IVNS1ABP: variants seen among roughly 807,000 people sequenced by gnomAD.
IVNS1ABP encodes the protein influenza virus NS1A binding protein, also known as influenza virus NS1A-binding protein.
In IVNS1ABP, 25 loss-of-function variants were observed where a neutral mutation model predicts 78.9. That is an observed-to-expected ratio of 0.32 (90% CI 0.23 to 0.44). IVNS1ABP has a LOEUF of 0.44. Ranked by LOEUF, IVNS1ABP falls within the 20% of genes least tolerant of loss-of-function variation. The pLI is 1.00. For missense variants in IVNS1ABP, 494 were observed against 768.9 expected (o/e 0.64, Z 4.23); for synonymous variants, 241 against 259.7 (o/e 0.93, Z 0.69).
In IVNS1ABP at chr1:185,308,863, A is replaced by G. The variant is rs1475786350; in HGVS notation, c.294T>C (p.Asp98=). The change falls in exon 5 of 15, where the codon GAT becomes GAC. Residue 98 remains aspartate, a synonymous_variant. Coordinates refer to ENST00000367498, the MANE Select transcript of IVNS1ABP (RefSeq NM_006469.5). ...AATAAACATCTTTTACCAATTCCTT[A>G]TCTGCTTTCAACCTATTTAAAAAAA... ...NYAYTAQLKA[D]KELVKDVYSA... The G allele has an allele frequency of 4.3e-6, 7 of 1,610,306 alleles. No individual in the cohort carries two copies. Among genetic ancestry groups the G allele is most frequent in the Non-Finnish European group, 5.9e-6 (7 of 1,179,080 alleles).
chr1:185,300,594 A>C, intron 10 of IVNS1ABP, 36 bp from the exon 11 acceptor site: 1 of 1,604,552 alleles, frequency 6.2e-7, no homozygotes, highest in Non-Finnish European at 8.5e-7. Context: ...TTTATGTTTA[A>C]AATATTAAAC....
chr1:185,300,930 G>A, intron 10 of IVNS1ABP, 42 bp downstream of exon 10: 1 of 1,473,320 alleles, frequency 6.8e-7, no homozygotes, highest in Non-Finnish European at 9.4e-7. Flanking sequence ...TCACAAAAAT[G>A]CCCATCTACA....
In IVNS1ABP at chr1:185,309,367, A is replaced by G. The variant is rs1184669007; in HGVS notation, c.111+16T>C. On this transcript the variant is annotated intron_variant, in intron 3 of 14. Coordinates refer to ENST00000367498, the MANE Select transcript of IVNS1ABP (RefSeq NM_006469.5). ...TAATAAAAAATTCTATAAATTTTGAATTAAGTTTTAAATACCTGAAGTCGA... is the reference window on the plus strand; with the variant it reads ...TAATAAAAAATTCTATAAATTTTGAGTTAAGTTTTAAATACCTGAAGTCGA... 2 of 1,512,220 alleles carry G rather than the reference A, an allele frequency of 1.3e-6. No homozygotes were observed. Among genetic ancestry groups the G allele is most frequent in the Middle Eastern group, 1.7e-4 (1 of 5,766 alleles). The allele number at this position is 1,512,220 out of a possible 1,614,324, so 93.7% of individuals were successfully genotyped here.
At chr1:185,304,963 T>C (rs1665697853) in intron 8 of IVNS1ABP, among the ~76,000 whole-genome samples, 1 of 152,194 alleles carries the variant, frequency 6.6e-6, no homozygotes, top group South Asian at 2.1e-4. Flanking sequence ...AATTGGATTT[T>C]ATAAAAGGCA....
Position 185,301,206 on chromosome 1 carries a change from C to G in IVNS1ABP, c.896-10G>C. 2 of 1,601,408 alleles carry G rather than the reference C, an allele frequency of 1.2e-6. No homozygotes were observed. Among genetic ancestry groups the G allele is most frequent in the Non-Finnish European group, 1.7e-6 (2 of 1,169,416 alleles). On this transcript the variant is annotated splice_polypyrimidine_tract_variant and intron_variant, in intron 9 of 14. Coordinates refer to ENST00000367498, the MANE Select transcript of IVNS1ABP (RefSeq NM_006469.5). ...CACAAGTAAGTGTTATCTGTAAGCA[C>G]AAGAGTTCCATGTTTAAGATGTAAT...
intron 8 of IVNS1ABP, among the ~76,000 whole-genome samples, chr1:185,302,749 A>G (rs1488823634): frequency 6.6e-6 from 1 of 152,114 alleles, no homozygotes; most frequent in Admixed American, 6.6e-5. Context: ...AGGTATTACT[A>G]GGTACTTTAT....
chr1:185,298,064 T>C lies in IVNS1ABP; in HGVS notation c.1900A>G (p.Ser634Gly). ...AACTGGAAAATCTTTGTATAGGGGCTCCATTCATTTGACTCAAGGTTATAG... is the reference window on the plus strand; with the variant it reads ...AACTGGAAAATCTTTGTATAGGGGCCCCATTCATTTGACTCAAGGTTATAG... ...EVYNLESNEW[S>G]PYTKIFQF The change falls in exon 15 of 15, where the codon AGC becomes GGC. Residue 634 changes from serine to glycine, a missense_variant. Ser to Gly is a moderately conservative substitution (Grantham distance 56). Coordinates refer to ENST00000367498, the MANE Select transcript of IVNS1ABP (RefSeq NM_006469.5). This position sits in a 1 kb window ranked among gnomAD's most constrained non-coding sequence, Gnocchi z 4.1. 6.2e-7 allele frequency: 1 copy of C among 1,613,608 alleles called. No homozygotes were observed. Among genetic ancestry groups the C allele is most frequent in the Non-Finnish European group, 8.5e-7 (1 of 1,179,712 alleles).
intron 1 of IVNS1ABP, among the ~76,000 whole-genome samples, chr1:185,312,104 T>C (rs1406435222): frequency 1.3e-5 from 2 of 152,238 alleles, no homozygotes; most frequent in Admixed American, 1.3e-4. Context: ...AGATGAGTAA[T>C]TTGTTGGAAT....
Position 185,301,426 on chromosome 1 carries a change from A to C in IVNS1ABP, c.895+8T>G. ...CTGAAAACAATCTGGCAAGTGTCAT[A>C]TACTTACTTGAAGTCTTTTCTGAAG... On this transcript the variant is annotated splice_region_variant and intron_variant, in intron 9 of 14. Coordinates refer to ENST00000367498, the MANE Select transcript of IVNS1ABP (RefSeq NM_006469.5). The C allele has an allele frequency of 6.2e-7, 1 of 1,613,024 alleles. No individual in the cohort carries two copies. Among genetic ancestry groups the C allele is most frequent in the Non-Finnish European group, 8.5e-7 (1 of 1,179,262 alleles).
At chr1:185,300,194 T>A in intron 12 of IVNS1ABP, 23 bp downstream of exon 12, 1 of 1,610,696 alleles carries the variant, frequency 6.2e-7, no homozygotes, top group Non-Finnish European at 8.5e-7. Context: ...ATACTGGATA[T>A]CTCAGGAGAA....
rs1665521430 is a variant in IVNS1ABP at position 185,299,823 on chromosome 1, T to C, written c.1562A>G (p.Glu521Gly). 1 of 1,613,616 alleles carries C rather than the reference T, an allele frequency of 6.2e-7. No individual in the cohort carries two copies. The highest frequency in any genetic ancestry group is 1.7e-5 in the Admixed American group (1 of 59,912). The change falls in exon 14 of 15, where the codon GAA (glutamate) becomes GGA (glycine). Residue 521 changes from glutamate to glycine, a missense_variant. Physicochemically the swap from Glu to Gly is moderately conservative, Grantham distance 98. Transcript: ENST00000367498. Reference sequence around the variant, plus strand: ...TACTGTGTTCAGACAATTCCAAGATTCTGCACCTCCGATTATGTACAAATA... The same window carrying C: ...TACTGTGTTCAGACAATTCCAAGATCCTGCACCTCCGATTATGTACAAATA... The part of the protein sequence containing the change: ...GGYLYIIGGA[E>G]SWNCLNTVER...
In IVNS1ABP at chr1:185,300,003, G is replaced by T; in HGVS notation, c.1497C>A (p.Asn499Lys). The change falls in exon 13 of 15, where the codon AAC (asparagine) becomes AAA (lysine). Residue 499 changes from asparagine to lysine, a missense_variant. By Grantham distance (94) the Asn-to-Lys change is moderately conservative. Transcript: ENST00000367498. ...TKLWTSCAPL[N>K]IRRHQSAVCE... The stretch of plus-strand genomic sequence containing the variant: ...AAGGAAAAAAAATCAACTTACGAAT[G>T]TTAAGAGGGGCACAGCTTGTCCACA... 1 of 1,609,354 alleles carries T rather than the reference G, an allele frequency of 6.2e-7. No individual in the cohort carries two copies. Among genetic ancestry groups the T allele is most frequent in the Non-Finnish European group, 8.5e-7 (1 of 1,178,630 alleles).
At position 185,298,895 on chromosome 1, in the gene IVNS1ABP, C is replaced by T. The variant is rs1665493943; in HGVS notation, c.1676-607G>A. The T allele has an allele frequency of 6.6e-6, 1 of 151,756 alleles. No homozygotes were observed. The highest frequency in any genetic ancestry group is 2.1e-4 in the South Asian group (1 of 4,820). 9.4% of individuals were successfully genotyped at this position (151,756 alleles called of 1,614,324 possible). On this transcript the variant is annotated intron_variant, in intron 14 of 14. Coordinates refer to ENST00000367498, the MANE Select transcript of IVNS1ABP (RefSeq NM_006469.5). This position sits in a 1 kb window ranked among gnomAD's most constrained non-coding sequence, Gnocchi z 4.1. ...TGGGCAACACAGTGAGACCATGTCT[C>T]AATTAAAAAAATAAAATGATTGTGG...
Position 185,300,072 on chromosome 1 carries a change from T to C in IVNS1ABP, c.1428A>G (p.Gln476=), listed in dbSNP as rs1338460793. The change falls in exon 13 of 15, where the codon CAA becomes CAG. Residue 476 remains glutamine, a synonymous_variant. Coordinates refer to ENST00000367498, the MANE Select transcript of IVNS1ABP (RefSeq NM_006469.5). ...YIVGGSDPYG[Q]KGLKNCDVFD... ...ATACATCACAATTTTTCAGTCCTTT[T>C]TGACCATATGGATCAGAGCCACCAA... is the stretch of plus-strand genomic sequence containing the variant. 5.6e-6 allele frequency: 9 copies of C among 1,613,476 alleles called. No homozygotes were observed. The highest frequency in any genetic ancestry group is 1.3e-5 in the African/African-American group (1 of 74,896).
Position 185,308,987 on chromosome 1 carries a change from CT to C in IVNS1ABP, c.281+15del, listed in dbSNP as rs1665814996. On this transcript the variant is annotated intron_variant, in intron 4 of 14. Transcript: ENST00000367498. ...AGATATTCCCTAATTATATGGTTTA[CT>C]TCAAATGTACTTACTGAGCAGTGTA... is the stretch of plus-strand genomic sequence containing the variant. 6.3e-7 allele frequency: 1 copy of C among 1,597,628 alleles called. No homozygotes were observed.
rs570881293 is a variant in IVNS1ABP at position 185,314,262 on chromosome 1, A to G, written c.-247+2691T>C. Among the ~76,000 whole-genome samples the G allele has an allele frequency of 2.1e-3, 322 of 152,330 alleles. 2 individuals are homozygous for G. The highest frequency in any genetic ancestry group is 7.5e-3 in the African/African-American group (311 of 41,580). On this transcript the variant is annotated intron_variant, in intron 1 of 14. Coordinates refer to ENST00000367498, the MANE Select transcript of IVNS1ABP (RefSeq NM_006469.5). The stretch of plus-strand genomic sequence containing the variant: ...GAACTCATTCATTCTATCCATGCTC[A>G]TAGTTTTGTAATTCTTTCACTACAA...
chr1:185,302,140 T>C (rs1416975613), intron 8 of IVNS1ABP, among the ~76,000 whole-genome samples: 2 of 152,032 alleles, frequency 1.3e-5, no homozygotes, highest in African/African-American at 4.8e-5. Context: ...TATAGAGTGG[T>C]TTTCTAGACA....
Position 185,309,042 on chromosome 1 carries a change from T to C in IVNS1ABP, c.242A>G (p.Glu81Gly). ...SHVKFDDLNP[E>G]AVEVLLNYAY... ...ATAATTCAACAAGACTTCAACAGCT[T>C]CTGGATTGAGATCATCAAATTTAAC... Residue 81 changes from glutamate to glycine, a missense_variant, in exon 4 of 15, where the codon GAA becomes GGA. Transcript: ENST00000367498. 1 of 1,612,800 alleles carries C rather than the reference T, an allele frequency of 6.2e-7. No individual in the cohort carries two copies. The highest frequency in any genetic ancestry group is 1.1e-5 in the South Asian group (1 of 90,784).
At chr1:185,312,392 T>C (rs905760744) in intron 1 of IVNS1ABP, among the ~76,000 whole-genome samples, 5 of 152,196 alleles carry the variant, frequency 3.3e-5, no homozygotes, top group African/African-American at 4.8e-5. Flanking sequence ...TGCAAATATA[T>C]TCATTTTTAT....
Sources: gnomAD v4.1 joint callset for allele counts (sites outside exome capture counted in the v4.1 genomes callset) on GRCh38, gnomAD v4.1.1 for gene constraint, Gnocchi (gnomAD v3.1) non-coding constraint, MANE v1.5 for transcripts, NCBI Gene and HGNC (gene_info 2026-07-23, HGNC 2026-07-21) for gene names.